The following TBC1D5 variants were observed in gnomAD, a reference collection of about 807,000 sequenced individuals.
TBC1D5 encodes TBC1 domain family, member 5.
Under a neutral mutation model 100.3 loss-of-function variants are expected in TBC1D5, and 75 were observed. The ratio of observed to expected loss-of-function variants is 0.75; its 90% CI spans 0.62 to 0.91. TBC1D5 has a LOEUF of 0.91. TBC1D5 is among the 40% of genes least tolerant of loss of function. The pLI is 0.00. For missense variants in TBC1D5, 910 were observed against 942.4 expected, an observed-to-expected ratio of 0.97 and a Z score of 0.45; for synonymous variants, 323 against 325.6, an observed-to-expected ratio of 0.99 and a Z score of 0.09.
chr3:17,412,428 T>G (rs1422953555), intron 4 of TBC1D5, among the ~76,000 whole-genome samples: 3 of 152,148 alleles, frequency 2.0e-5, no homozygotes, highest in Non-Finnish European at 4.4e-5. Flanking sequence ...GCTGAAAGGT[T>G]TAGCCCTTCT....
intron 1 of TBC1D5, among the ~76,000 whole-genome samples, chr3:17,708,560 C>T (rs963064754): frequency 2.0e-5 from 3 of 152,258 alleles, no homozygotes; most frequent in Middle Eastern, 3.4e-3. Context: ...GAATGTTTAA[C>T]AGCAACCCTG....
At chr3:17,558,548 T>C (rs2096536657) in intron 2 of TBC1D5, among the ~76,000 whole-genome samples, 1 of 152,172 alleles carries the variant, frequency 6.6e-6, no homozygotes, top group African/African-American at 2.4e-5. Flanking sequence ...TACAGTTATA[T>C]ATGGGAATAT....
chr3:17,604,923 G>A (rs1273759537), intron 2 of TBC1D5, among the ~76,000 whole-genome samples: 1 of 152,164 alleles, frequency 6.6e-6, no homozygotes, highest in Non-Finnish European at 1.5e-5. Flanking sequence ...CGATCCACCT[G>A]CCTCAGCCTC....
At chr3:17,453,061 A>G (rs1170479032) in intron 3 of TBC1D5, among the ~76,000 whole-genome samples, 6 of 150,810 alleles carry the variant, frequency 4.0e-5, no homozygotes, top group Admixed American at 3.3e-4. Flanking sequence ...CAGAAAGACC[A>G]GCAGGTCAAT....
chr3:17,395,331 A>G (rs1490331971), intron 8 of TBC1D5, among the ~76,000 whole-genome samples: 1 of 152,132 alleles, frequency 6.6e-6, no homozygotes, highest in Non-Finnish European at 1.5e-5. Context: ...AGGTAGATAC[A>G]CTGTATATGT....
chr3:17,505,267 C>T (rs961789269), intron 3 of TBC1D5, among the ~76,000 whole-genome samples: 1 of 151,950 alleles, frequency 6.6e-6, no homozygotes, highest in Non-Finnish European at 1.5e-5. Flanking sequence ...CCCTTGGTGA[C>T]AAGTGAGTTC....
chr3:17,167,652 G>T, intron 20 of TBC1D5, 97 bp downstream of exon 21: 1 of 1,064,628 alleles, frequency 9.4e-7, no homozygotes, highest in South Asian at 1.3e-5. Context: ...GAGGGTTAGG[G>T]GGATGCTGGC....
At chr3:17,698,553 T>C (rs576379626) in intron 1 of TBC1D5, among the ~76,000 whole-genome samples, 1,739 of 150,520 alleles carry the variant, frequency 0.012, 35 homozygotes, top group African/African-American at 0.04. Flanking sequence ...GGGATCTAAT[T>C]AAACTAAAGA....
At chr3:17,166,376 G>C (rs1170295148) in intron 21 of TBC1D5, among the ~76,000 whole-genome samples, 1 of 152,168 alleles carries the variant, frequency 6.6e-6, no homozygotes. Flanking sequence ...AAATCCACTC[G>C]AGACAGCATT....
intron 2 of TBC1D5, among the ~76,000 whole-genome samples, chr3:17,512,813 T>C (rs1278416716): frequency 6.6e-6 from 1 of 152,192 alleles, no homozygotes; most frequent in Admixed American, 6.5e-5. Flanking sequence ...AGTTCACAAA[T>C]ATGCTAAAAT....
chr3:17,653,970 C>A (rs1229453953), intron 1 of TBC1D5, among the ~76,000 whole-genome samples: 1 of 152,088 alleles, frequency 6.6e-6, no homozygotes, highest in African/African-American at 2.4e-5. Context: ...AAATAATTCA[C>A]AAAATTTGCA....
chr3:17,283,861 A>G (rs560111874), intron 15 of TBC1D5, among the ~76,000 whole-genome samples: 1 of 152,180 alleles, frequency 6.6e-6, no homozygotes, highest in African/African-American at 2.4e-5. Flanking sequence ...CCTGGCTCCA[A>G]TGATACTGGT....
At chr3:17,540,508 T>C (rs2096340379) in intron 2 of TBC1D5, among the ~76,000 whole-genome samples, 1 of 152,124 alleles carries the variant, frequency 6.6e-6, no homozygotes, top group Non-Finnish European at 1.5e-5. Context: ...ACTGTGTTAG[T>C]TTCGGGTTCA....
intron 4 of TBC1D5, among the ~76,000 whole-genome samples, chr3:17,421,912 T>G (rs1041289260): frequency 6.6e-6 from 1 of 152,092 alleles, no homozygotes; most frequent in African/African-American, 2.4e-5. Flanking sequence ...ACAGGCAATA[T>G]AACAAAATCA....
Position 17,308,260 on chromosome 3 carries a change from T to C in TBC1D5, c.996-126A>G, listed in dbSNP as rs553914270. The C allele has an allele frequency of 3.4e-4, 298 of 885,700 alleles. No individual in the cohort carries two copies. The African/African-American group carries it at 5.0e-3, about 15-fold the overall frequency. 54.9% of individuals were successfully genotyped at this position (885,700 alleles called of 1,614,324 possible). ...GAGCAAATATTATATATCAAAAATA[T>C]AATATAGTAAAATCTATATTTTAAG... On this transcript the variant is annotated intron_variant, in intron 13 of 21. Transcript: ENST00000253692.
chr3:17,508,603 T>C (rs1485590451), exon 3 of TBC1D5: 2 of 1,473,836 alleles, frequency 1.4e-6, no homozygotes, highest in East Asian at 2.3e-5. Flanking sequence ...CAAAAGTAAC[T>C]ACCTGGGAGG....
At chr3:17,700,708 G>C (rs932755511) in intron 1 of TBC1D5, among the ~76,000 whole-genome samples, 3 of 151,942 alleles carry the variant, frequency 2.0e-5, no homozygotes, top group African/African-American at 7.2e-5. Flanking sequence ...ACATCTACGC[G>C]GCCAACAGAC....
At chr3:17,528,492 A>G (rs537253768) in intron 2 of TBC1D5, among the ~76,000 whole-genome samples, 3 of 152,314 alleles carry the variant, frequency 2.0e-5, no homozygotes, top group East Asian at 3.9e-4. Context: ...CCTAGCCTCC[A>G]GAATTGTGAA....
At chr3:17,349,850 GA>G (rs1187516490) in intron 13 of TBC1D5, among the ~76,000 whole-genome samples, 2 of 151,902 alleles carry the variant, frequency 1.3e-5, no homozygotes, top group South Asian at 4.2e-4. Flanking sequence ...AAACAATTAG[GA>G]AAAAAATGCA....
Sources: gnomAD v4.1 joint callset for allele counts (sites outside exome capture counted in the v4.1 genomes callset) on GRCh38, gnomAD v4.1.1 for gene constraint, MANE v1.5 for transcripts, NCBI Gene and HGNC (gene_info 2026-07-23, HGNC 2026-07-21) for gene names.